The following ASTN2 variants were observed in gnomAD, a reference collection of about 807,000 sequenced individuals.
The protein encoded by ASTN2 is astrotactin-2.
ASTN2 carries 54 observed loss-of-function variants against 139.8 expected under a neutral mutation model. The observed-to-expected ratio is 0.39, with a 90% CI of 0.31 to 0.48. The LOEUF (loss-of-function observed/expected upper bound fraction) is 0.48. Among genes scored for constraint, ASTN2 ranks in the 20% least tolerant of loss-of-function variants. The probability of loss-of-function intolerance (pLI) is 0.95; values close to 1 mark genes in which losing one functional copy is unlikely to be tolerated. For missense variants in ASTN2, 1,565 were observed against 1,725.1 expected (o/e 0.91, Z 1.64); for synonymous variants, 756 against 719.5 (o/e 1.05, Z -0.81).
chr9:116,544,059 G>A (rs531500225), intron 19 of ASTN2, among the ~76,000 whole-genome samples: 9 of 152,132 alleles, frequency 5.9e-5, no homozygotes, highest in Non-Finnish European at 1.3e-4. Flanking sequence ...CAAATTCCCT[G>A]CAGAAACACT....
chr9:117,226,342 C>G (rs572012842), intron 2 of ASTN2, among the ~76,000 whole-genome samples: 2 of 152,176 alleles, frequency 1.3e-5, no homozygotes, highest in African/African-American at 4.8e-5. Flanking sequence ...TGATCCTCAT[C>G]TTTCTCATCT....
intron 7 of ASTN2, among the ~76,000 whole-genome samples, chr9:116,994,093 T>C (rs1453547367): frequency 6.6e-6 from 1 of 151,990 alleles, no homozygotes; most frequent in Non-Finnish European, 1.5e-5. Flanking sequence ...GCCATTTTTT[T>C]CAACTTGGAC....
At chr9:117,121,022 TG>T (rs778614823) in intron 4 of ASTN2, among the ~76,000 whole-genome samples, 9 of 152,366 alleles carry the variant, frequency 5.9e-5, no homozygotes, top group Non-Finnish European at 1.0e-4. Context: ...GTACACAGTA[TG>T]TGTCCATTAA....
chr9:116,960,975 C>T (rs116008070), intron 10 of ASTN2, among the ~76,000 whole-genome samples: 6,056 of 151,528 alleles, frequency 0.04, 406 homozygotes, highest in African/African-American at 0.14. Context: ...TAACTCAGTC[C>T]GGTCACACCT....
At chr9:117,350,519 G>C (rs185858666) in intron 1 of ASTN2, among the ~76,000 whole-genome samples, 4 of 150,426 alleles carry the variant, frequency 2.7e-5, no homozygotes, top group African/African-American at 9.8e-5. Context: ...GTGCTACTAC[G>C]CTTCAGCCTG....
At chr9:116,764,519 A>G (rs1017571248) in intron 13 of ASTN2, among the ~76,000 whole-genome samples, 2 of 152,266 alleles carry the variant, frequency 1.3e-5, no homozygotes, top group East Asian at 3.9e-4. Context: ...TGTTGAACTC[A>G]GATTCTGTTT....
intron 20 of ASTN2, among the ~76,000 whole-genome samples, chr9:116,445,645 A>G (rs1226175401): frequency 6.6e-6 from 1 of 152,098 alleles, no homozygotes; most frequent in Non-Finnish European, 1.5e-5. Flanking sequence ...ACTGGGTAGA[A>G]TCCTTGCTTT....
chr9:116,938,367 T>C (rs1286857289), intron 10 of ASTN2, among the ~76,000 whole-genome samples: 2 of 152,132 alleles, frequency 1.3e-5, no homozygotes, highest in Admixed American at 6.5e-5. Flanking sequence ...GGTTTCCTGA[T>C]GGTGGAGACT....
chr9:116,576,762 AG>A (rs1853739085), intron 19 of ASTN2, among the ~76,000 whole-genome samples: 1 of 152,136 alleles, frequency 6.6e-6, no homozygotes, highest in Admixed American at 6.5e-5. Flanking sequence ...AGTACAGCTC[AG>A]GGTGTACAGA....
At chr9:116,964,854 C>G (rs954420403) in intron 10 of ASTN2, among the ~76,000 whole-genome samples, 1 of 152,178 alleles carries the variant, frequency 6.6e-6, no homozygotes, top group African/African-American at 2.4e-5. Context: ...TCTGAGATAA[C>G]ATAGATGGAT....
chr9:117,321,738 A>T (rs574648305), intron 1 of ASTN2, among the ~76,000 whole-genome samples: 4 of 152,188 alleles, frequency 2.6e-5, no homozygotes, highest in Admixed American at 2.6e-4. Flanking sequence ...GCTTCTCAAC[A>T]TTGGAACTAT....
chr9:117,340,089 T>A (rs1829017569), intron 1 of ASTN2, among the ~76,000 whole-genome samples: 2 of 151,608 alleles, frequency 1.3e-5, no homozygotes, highest in South Asian at 4.2e-4. Flanking sequence ...CACACACACC[T>A]CTTCATGTCA....
chr9:117,408,863 T>G (rs1012056954), intron 1 of ASTN2, among the ~76,000 whole-genome samples: 1 of 152,188 alleles, frequency 6.6e-6, no homozygotes, highest in Non-Finnish European at 1.5e-5. Flanking sequence ...CACTCTGCCC[T>G]GAGCATTAAA....
intron 16 of ASTN2, among the ~76,000 whole-genome samples, chr9:116,658,413 G>A (rs1742823): frequency 6.6e-6 from 1 of 152,160 alleles, no homozygotes; most frequent in African/African-American, 2.4e-5. Context: ...GGGTCACATA[G>A]AAGAAAGAAC....
At chr9:116,470,675 C>T (rs1052736955) in intron 20 of ASTN2, among the ~76,000 whole-genome samples, 1 of 152,216 alleles carries the variant, frequency 6.6e-6, no homozygotes, top group Non-Finnish European at 1.5e-5. Flanking sequence ...TACATGAACA[C>T]TCTTCACTGA....
Position 116,863,730 on chromosome 9 carries a change from T to C in ASTN2, c.1893A>G (p.Glu631=), listed in dbSNP as rs1328060094. The C allele has an allele frequency of 1.9e-6, 3 of 1,611,722 alleles. No individual in the cohort carries two copies. In the African/African-American group the frequency reaches 4.0e-5, roughly 21 times the overall value. ...CAAAGTATGTGGACAGCATCGCTTCTTCCCTTGGAGAGAAAGGGGATGGTT... is the reference window on the plus strand; with the variant it reads ...CAAAGTATGTGGACAGCATCGCTTCCTCCCTTGGAGAGAAAGGGGATGGTT... ...LVTEDPADVR[E]EAMLSTYFET... is the part of the protein sequence containing the mutation. The change falls in exon 11 of 23, where the codon GAA becomes GAG. Residue 631 remains glutamate, a synonymous_variant. Transcript: ENST00000313400.
intron 6 of ASTN2, among the ~76,000 whole-genome samples, chr9:117,027,378 C>T (rs994500006): frequency 6.6e-6 from 1 of 152,152 alleles, no homozygotes; most frequent in African/African-American, 2.4e-5. Context: ...TCAGTGCTTC[C>T]ATAACTCCCA....
chr9:116,729,883 C>G (rs542214705), intron 14 of ASTN2, among the ~76,000 whole-genome samples: 9 of 152,176 alleles, frequency 5.9e-5, no homozygotes, highest in Admixed American at 2.0e-4. Context: ...ACCATAAAAC[C>G]CCTTTTGTAT....
intron 3 of ASTN2, among the ~76,000 whole-genome samples, chr9:117,198,320 G>T (rs1831579264): frequency 6.6e-6 from 1 of 152,098 alleles, no homozygotes; most frequent in South Asian, 2.1e-4. Context: ...GAGGGTGATG[G>T]CTTCCAGCTT....
Sources: allele counts gnomAD v4.1 joint callset (sites outside exome capture counted in the v4.1 genomes callset), GRCh38; gene constraint gnomAD v4.1.1; transcripts MANE v1.5; gene names NCBI Gene and HGNC (gene_info 2026-07-23, HGNC 2026-07-21).